FBXL19: variants seen among roughly 807,000 people sequenced by gnomAD.
FBXL19 encodes F-box and leucine rich repeat protein 19.
Under a neutral mutation model 71.2 loss-of-function variants are expected in FBXL19, and 16 were observed. The observed-to-expected ratio is 0.22, with a 90% CI of 0.15 to 0.34. FBXL19 has a LOEUF of 0.34. Ranked by LOEUF, FBXL19 falls within the 10% of genes least tolerant of loss-of-function variation. The pLI is 1.00. For missense variants in FBXL19, 658 were observed against 968.2 expected (o/e 0.68, Z 4.25); for synonymous variants, 447 against 409.4 (o/e 1.09, Z -1.11).
At chr16:30,928,412 A>T (rs2055628797) in intron 5 of FBXL19, 55 bp from the exon 6 acceptor site, 2 of 1,468,304 alleles carry the variant, frequency 1.4e-6, no homozygotes, top group South Asian at 1.4e-5. Context: ...TTTCTGGCCC[A>T]TGAGGGCCTA....
In FBXL19 at chr16:30,930,209, A is replaced by G. The variant is rs757460088; in HGVS notation, c.926A>G (p.Asp309Gly). Reference protein sequence around the residue: ...RVPDTSSSSSDSDSDSDSSGT... With the variant: ...RVPDTSSSSSGSDSDSDSSGT... ...CCTGACACCTCCTCTTCCTCCTCGGACTCAGACTCCGACTCCGACTCTTCG... is the reference window on the plus strand; with the variant it reads ...CCTGACACCTCCTCTTCCTCCTCGGGCTCAGACTCCGACTCCGACTCTTCG... The change falls in exon 7 of 11, where the codon GAC becomes GGC. Residue 309 changes from aspartate to glycine, a missense_variant. By Grantham distance (94) the Asp-to-Gly change is moderately conservative. Around this residue, in one of 8 missense-constraint regions of FBXL19, gnomAD observed 447 missense variants for 515.4 expected, o/e 0.87. Coordinates refer to ENST00000338343, the MANE Select transcript of FBXL19 (RefSeq NM_001382779.1). This position sits in a 1 kb window ranked among gnomAD's most constrained non-coding sequence, Gnocchi z 8.5. The G allele has an allele frequency of 6.2e-7, 1 of 1,613,128 alleles. No individual in the cohort carries two copies.
intron 7 of FBXL19, among the ~76,000 whole-genome samples, chr16:30,939,063 GTTTTA>G (rs1271517483): frequency 6.6e-6 from 1 of 151,684 alleles, no homozygotes; most frequent in African/African-American, 2.4e-5. Flanking sequence ...TCTTTTTTGT[GTTTTA>G]TTTATTTATT....
At chr16:30,934,123 G>A (rs977536604) in intron 7 of FBXL19, among the ~76,000 whole-genome samples, 3 of 152,048 alleles carry the variant, frequency 2.0e-5, no homozygotes, top group African/African-American at 4.8e-5. Context: ...ACAGCACTTC[G>A]GGAGCCCAAG....
rs977052107 is a variant in FBXL19, at chr16:30,923,883, G to C, written c.-601G>C. On this transcript the variant is annotated 5_prime_UTR_variant, in exon 1 of 11. Coordinates refer to ENST00000338343, the MANE Select transcript of FBXL19 (RefSeq NM_001382779.1). ...CACCTCCCCCTCCGCTCGCCTCGCAGCCGTAGGGCAGGGGGTCGCAGTCCA... is the reference window on the plus strand; with the variant it reads ...CACCTCCCCCTCCGCTCGCCTCGCACCCGTAGGGCAGGGGGTCGCAGTCCA... Among the ~76,000 whole-genome samples, 39 of 151,152 alleles carry C rather than the reference G, an allele frequency of 2.6e-4. No individual in the cohort carries two copies. Among genetic ancestry groups the C allele is most frequent in the African/African-American group, 8.3e-4 (34 of 41,202 alleles).
chr16:30,931,969 G>C (rs1596652255), intron 7 of FBXL19, among the ~76,000 whole-genome samples: 1 of 147,874 alleles, frequency 6.8e-6, no homozygotes, highest in Non-Finnish European at 1.5e-5. Flanking sequence ...TTGAACTCCT[G>C]ACCTGAAGCG....
chr16:30,924,111 G>T lies in FBXL19; in HGVS notation c.-373G>T. ...GGCGGGGTGGGGGGAGGGGAGCTGG[G>T]ACTCGGACCCGGGACTGAGTGGGCC... On this transcript the variant is annotated 5_prime_UTR_variant, in exon 1 of 11. Coordinates refer to ENST00000338343, the MANE Select transcript of FBXL19 (RefSeq NM_001382779.1). The T allele has an allele frequency of 6.6e-6, 1 of 152,022 alleles. No homozygotes were observed. The highest frequency in any genetic ancestry group is 1.5e-5 in the Non-Finnish European group (1 of 67,966). The allele number at this position is 152,022 out of a possible 1,614,324, so 9.4% of individuals were successfully genotyped here. A position where few individuals can be genotyped will look rare whatever the true frequency, so the allele number is the denominator to read the frequency against.
Position 30,928,524 on chromosome 16 carries a change from C to T in FBXL19, c.685C>T (p.Arg229Ter). The change falls in exon 6 of 11, where the codon CGA (arginine) becomes TGA (stop). Residue 229 changes from arginine to a stop codon, truncating the protein, a stop_gained. Transcript: ENST00000338343. LOFTEE classifies it high-confidence loss of function. Reference protein sequence around the residue: ...KKVGGDACLLRGSDPGGPGLL... With the variant: ...KKVGGDACLL ...GGTGGGTGGAGACGCCTGCCTCCTCCGAGGATCGGACCCAGGCGGCCCGGG... is the reference window on the plus strand; with the variant it reads ...GGTGGGTGGAGACGCCTGCCTCCTCTGAGGATCGGACCCAGGCGGCCCGGG... 3 of 1,608,100 alleles carry T rather than the reference C, an allele frequency of 1.9e-6. No homozygotes were observed. Among genetic ancestry groups the T allele is most frequent in the Non-Finnish European group, 2.5e-6 (3 of 1,177,048 alleles).
chr16:30,924,790 C>A (rs112294959), intron 1 of FBXL19: 2 of 1,455,962 alleles, frequency 1.4e-6, no homozygotes, highest in Non-Finnish European at 9.0e-7. Flanking sequence ...TGGGAAGAGA[C>A]CCTCCAGGCT....
At chr16:30,933,577 G>C (rs1414927786) in intron 7 of FBXL19, among the ~76,000 whole-genome samples, 8 of 152,046 alleles carry the variant, frequency 5.3e-5, no homozygotes. Context: ...AGCCTCCTGA[G>C]TAGCTGGGAT....
At chr16:30,945,324 G>A (rs539769829) in intron 9 of FBXL19, among the ~76,000 whole-genome samples, 41 of 152,124 alleles carry the variant, frequency 2.7e-4, no homozygotes, top group Non-Finnish European at 2.1e-4. Context: ...AAGTGTGGTC[G>A]GGGGACCAGC....
intron 7 of FBXL19, among the ~76,000 whole-genome samples, chr16:30,937,948 G>A (rs779421331): frequency 6.6e-6 from 1 of 152,140 alleles, no homozygotes; most frequent in Non-Finnish European, 1.5e-5. Flanking sequence ...GGATAGAGCA[G>A]ATGTCACCGA....
Position 30,947,160 on chromosome 16 carries a change from G to A in FBXL19, c.1955G>A (p.Arg652Gln), listed in dbSNP as rs61738491. The A allele has an allele frequency of 7.5e-3, 12,023 of 1,599,914 alleles. 73 individuals carry two copies. Among genetic ancestry groups the A allele is most frequent in the Non-Finnish European group, 9.6e-3 (11,327 of 1,179,476 alleles). Residue 652 changes from arginine (R) to glutamine (Q), a missense_variant, in exon 11 of 11, where the codon CGG becomes CAG. Physicochemically the swap from Arg to Gln is conservative, Grantham distance 43. Around this residue, in one of 8 missense-constraint regions of FBXL19, gnomAD observed 69 missense variants for 177.8 expected, o/e 0.39. Transcript: ENST00000338343. ...CAGCTCTCACCCGAAGCTTGTGCCC[G>A]GCTGGCAGCTGCCGGGCCCCCTGGC... Reference protein sequence around the residue: ...CRQLSPEACARLAAAGPPGPF... With the variant: ...CRQLSPEACAQLAAAGPPGPF...
At chr16:30,941,139 T>C (rs1035727152) in intron 7 of FBXL19, among the ~76,000 whole-genome samples, 5 of 150,540 alleles carry the variant, frequency 3.3e-5, no homozygotes, top group Admixed American at 2.7e-4. Context: ...TGGGGGAGAG[T>C]GGTCAGTGGA....
Position 30,925,703 on chromosome 16 carries a change from A to T in FBXL19, c.-24-28A>T. The T allele has an allele frequency of 1.3e-6, 2 of 1,486,546 alleles. No homozygotes were observed. Among genetic ancestry groups the T allele is most frequent in the Non-Finnish European group, 1.8e-6 (2 of 1,125,050 alleles). 92.1% of individuals were successfully genotyped at this position (1,486,546 alleles called of 1,614,324 possible). A position where few individuals can be genotyped will look rare whatever the true frequency, so the allele number is the denominator to read the frequency against. Reference sequence around the variant, plus strand: ...CCCAGGCCAGGGCCCCAGTGGGCCCATCTGACCCTGCCACCATCCACCTAC... The same window carrying T: ...CCCAGGCCAGGGCCCCAGTGGGCCCTTCTGACCCTGCCACCATCCACCTAC... On this transcript the variant is annotated intron_variant, in intron 1 of 10. Transcript: ENST00000338343. This position sits in a 1 kb window ranked among gnomAD's most constrained non-coding sequence, Gnocchi z 5.0.
At chr16:30,944,205 A>C (rs1458414204) in intron 9 of FBXL19, among the ~76,000 whole-genome samples, 2 of 108,884 alleles carry the variant, frequency 1.8e-5, no homozygotes, top group South Asian at 5.5e-4. Flanking sequence ...TTAGTTTTTA[A>C]ATTTTTTTTT....
chr16:30,935,866 A>G (rs1555487232), intron 7 of FBXL19, among the ~76,000 whole-genome samples: 3 of 152,234 alleles, frequency 2.0e-5, no homozygotes, highest in Middle Eastern at 3.4e-3. Context: ...ATCAAGCCAC[A>G]TGTCTCTGGG....
At chr16:30,926,016 T>C in intron 2 of FBXL19, 85 bp downstream of exon 2, 1 of 1,366,772 alleles carries the variant, frequency 7.3e-7, no homozygotes. Flanking sequence ...CAGCCTGTAC[T>C]GTGGAGTGGC....
At chr16:30,929,483 G>T (rs1455956430) in intron 6 of FBXL19, among the ~76,000 whole-genome samples, 1 of 152,138 alleles carries the variant, frequency 6.6e-6, no homozygotes, top group African/African-American at 2.4e-5. Flanking sequence ...TTCAAAGCAG[G>T]GTCTCTCATT....
Position 30,925,670 on chromosome 16 carries a change from A to G in FBXL19, c.-24-61A>G, listed in dbSNP as rs2143303953. On this transcript the variant is annotated intron_variant, in intron 1 of 10. Transcript: ENST00000338343. This position sits in a 1 kb window ranked among gnomAD's most constrained non-coding sequence, Gnocchi z 5.0. The stretch of plus-strand genomic sequence containing the variant: ...CTGCCTGTAGGTGGAGGGACCTGTC[A>G]GGGGTCTCCCAGGCCAGGGCCCCAG... 1.4e-6 allele frequency: 2 copies of G among 1,427,734 alleles called. No homozygotes were observed. The highest frequency in any genetic ancestry group is 3.0e-5 in the African/African-American group (2 of 66,530). 88.4% of individuals were successfully genotyped at this position (1,427,734 alleles called of 1,614,324 possible).
Sources: allele counts gnomAD v4.1 joint callset (sites outside exome capture counted in the v4.1 genomes callset), GRCh38; gene constraint gnomAD v4.1.1; regional missense constraint gnomAD v4.1.1; non-coding constraint Gnocchi (gnomAD v3.1); transcripts MANE v1.5; gene names NCBI Gene and HGNC (gene_info 2026-07-23, HGNC 2026-07-21).